DCBLD2: variants seen among roughly 807,000 people sequenced by gnomAD.
DCBLD2 encodes discoidin, CUB and LCCL domain-containing protein 2.
Under a neutral mutation model 86.8 loss-of-function variants are expected in DCBLD2, and 54 were observed. That is an observed-to-expected ratio of 0.62 (90% CI 0.50 to 0.78). The LOEUF (loss-of-function observed/expected upper bound fraction) is 0.78, where lower values mean the gene tolerates loss of function less well. DCBLD2 is among the 30% of genes least tolerant of loss of function. DCBLD2 has a pLI of 0.00. For missense variants in DCBLD2, 908 were observed against 954.2 expected, an observed-to-expected ratio of 0.95 and a Z score of 0.64; for synonymous variants, 354 against 341.3, an observed-to-expected ratio of 1.04 and a Z score of -0.41.
chr3:98,871,610 C>T (rs1054524622), intron 2 of DCBLD2, among the ~76,000 whole-genome samples: 1 of 151,310 alleles, frequency 6.6e-6, no homozygotes, highest in East Asian at 1.9e-4. Flanking sequence ...ATCATCCTTG[C>T]ATTCCTGGTA....
chr3:98,881,271 A>C (rs1335831290), intron 2 of DCBLD2, among the ~76,000 whole-genome samples: 6 of 151,788 alleles, frequency 4.0e-5, no homozygotes, highest in Admixed American at 1.3e-4. Flanking sequence ...AAAAACAAAA[A>C]AAAAAAAACA....
intron 3 of DCBLD2, among the ~76,000 whole-genome samples, chr3:98,829,018 G>A (rs1394160678): frequency 1.3e-5 from 2 of 152,174 alleles, no homozygotes; most frequent in Non-Finnish European, 2.9e-5. Flanking sequence ...GTTAAGAGGA[G>A]AGAAATGGGG....
At chr3:98,885,562 AG>A (rs1440711679) in intron 1 of DCBLD2, among the ~76,000 whole-genome samples, 1 of 152,076 alleles carries the variant, frequency 6.6e-6, no homozygotes, top group Non-Finnish European at 1.5e-5. Flanking sequence ...AGGTATGCAA[AG>A]GTCTTAACAT....
chr3:98,863,858 G>A (rs1261416930), intron 2 of DCBLD2, among the ~76,000 whole-genome samples: 2 of 152,094 alleles, frequency 1.3e-5, no homozygotes, highest in Non-Finnish European at 2.9e-5. Flanking sequence ...TTGACAAATG[G>A]GATCTAATTA....
Position 98,870,656 on chromosome 3 carries a change from A to AAGAGAGAG in DCBLD2, c.433+10876_433+10883dup, listed in dbSNP as rs71124007. 9.7e-5 allele frequency among the ~76,000 whole-genome samples: 13 copies of AAGAGAGAG among 134,238 alleles called. 1 individual carries two copies. The highest frequency in any genetic ancestry group is 3.7e-4 in the African/African-American group (13 of 34,852). 88.1% of individuals were successfully genotyped at this position (134,238 alleles called of 152,430 possible). A position where few individuals can be genotyped will look rare whatever the true frequency, so the allele number is the denominator to read the frequency against. ...AAATGGAAGGAAGAAGAGATAGAGA[A>AAGAGAGAG]AGAGAGAGAGAGAGAGAGAGAGAAA... is the stretch of plus-strand genomic sequence containing the variant. On this transcript the variant is annotated intron_variant, in intron 2 of 15. Transcript: ENST00000326840.
At chr3:98,884,944 AT>A (rs1268024432) in intron 1 of DCBLD2, among the ~76,000 whole-genome samples, 2 of 152,126 alleles carry the variant, frequency 1.3e-5, no homozygotes, top group African/African-American at 4.8e-5. Context: ...GTTAGGAGTA[AT>A]TTTTAGGTGT....
At chr3:98,835,690 C>A (rs1248418198) in intron 3 of DCBLD2, among the ~76,000 whole-genome samples, 1 of 148,214 alleles carries the variant, frequency 6.7e-6, no homozygotes, top group Non-Finnish European at 1.5e-5. Flanking sequence ...GCTGGGACTA[C>A]AGGCACGTGC....
At chr3:98,831,394 T>G (rs558026631) in intron 3 of DCBLD2, among the ~76,000 whole-genome samples, 1 of 152,144 alleles carries the variant, frequency 6.6e-6, no homozygotes, top group African/African-American at 2.4e-5. Context: ...TATCATTAAT[T>G]TTTTTCAAAA....
In DCBLD2 at chr3:98,901,461, G is replaced by C. The variant is rs567804463; in HGVS notation, c.-135C>G. ...CAGCCCTCGCCTCACCCCGCGCCGG[G>C]ACCCTTCCGCCCCTCACCCCGCTTT... On this transcript the variant is annotated 5_prime_UTR_variant, in exon 1 of 16. Coordinates refer to ENST00000326840, the MANE Select transcript of DCBLD2 (RefSeq NM_080927.4). 1.8e-4 allele frequency: 157 copies of C among 894,122 alleles called. No homozygotes were observed. The African/African-American group carries it at 2.2e-3, about 13-fold the overall frequency. 55.4% of individuals were successfully genotyped at this position (894,122 alleles called of 1,614,324 possible).
At chr3:98,888,887 A>T (rs1943607688) in intron 1 of DCBLD2, among the ~76,000 whole-genome samples, 1 of 151,952 alleles carries the variant, frequency 6.6e-6, no homozygotes, top group Non-Finnish European at 1.5e-5. Flanking sequence ...CATTATTGGA[A>T]ACTACTCCCA....
At chr3:98,876,225 AC>A (rs1422505522) in intron 2 of DCBLD2, among the ~76,000 whole-genome samples, 4 of 151,940 alleles carry the variant, frequency 2.6e-5, no homozygotes, top group Middle Eastern at 3.4e-3. Flanking sequence ...AGAAACAAAG[AC>A]CAATAAAACT....
intron 13 of DCBLD2, among the ~76,000 whole-genome samples, chr3:98,803,953 T>G (rs1407298001): frequency 6.6e-6 from 1 of 152,204 alleles, no homozygotes; most frequent in Non-Finnish European, 1.5e-5. Context: ...TTGCCAGTAT[T>G]TTACTGAGGA....
chr3:98,873,497 C>T (rs1943314987), intron 2 of DCBLD2, among the ~76,000 whole-genome samples: 1 of 151,948 alleles, frequency 6.6e-6, no homozygotes, highest in African/African-American at 2.4e-5. Context: ...AAGAAAGGTC[C>T]TTCCAATTAG....
intron 2 of DCBLD2, among the ~76,000 whole-genome samples, chr3:98,860,340 C>G (rs960321580): frequency 1.8e-4 from 28 of 152,174 alleles, no homozygotes; most frequent in Non-Finnish European, 3.5e-4. Context: ...CCTAGCAAGG[C>G]AGGCCAACAC....
intron 9 of DCBLD2, chr3:98,815,892 TGGTGA>T (rs1449033440): frequency 6.6e-6 from 1 of 151,432 alleles, no homozygotes; most frequent in African/African-American, 2.4e-5. Flanking sequence ...AACGGAGCAT[TGGTGA>T]ATGGTAAGAT....
chr3:98,801,539 C>A lies in DCBLD2; in HGVS notation c.1720+61G>T, dbSNP rs1223716992. 8 of 1,359,742 alleles carry A rather than the reference C, an allele frequency of 5.9e-6. No individual in the cohort carries two copies. The Admixed American group carries it at 1.6e-4, about 27-fold the overall frequency. 84.2% of individuals were successfully genotyped at this position (1,359,742 alleles called of 1,614,324 possible). A position where few individuals can be genotyped will look rare whatever the true frequency, so the allele number is the denominator to read the frequency against. On this transcript the variant is annotated intron_variant, in intron 14 of 15. Coordinates refer to ENST00000326840, the MANE Select transcript of DCBLD2 (RefSeq NM_080927.4). ...GAGAATGACTCTTTTTTCACTACTG[C>A]CCCCTGTAGGGGAGCGACATCCCTC...
chr3:98,858,267 A>G (rs1472445618), intron 2 of DCBLD2, among the ~76,000 whole-genome samples: 1 of 152,216 alleles, frequency 6.6e-6, no homozygotes, highest in African/African-American at 2.4e-5. Context: ...ACTGGCCCGC[A>G]AGCGCCGTGT....
intron 1 of DCBLD2, 77 bp downstream of exon 1, chr3:98,901,045 C>A: frequency 6.5e-7 from 1 of 1,532,686 alleles, no homozygotes; most frequent in East Asian, 2.5e-5. Flanking sequence ...GCAGCGTCTG[C>A]AGATTTGTTC....
At chr3:98,883,270 C>T (rs2107524192) in intron 1 of DCBLD2, among the ~76,000 whole-genome samples, 2 of 152,272 alleles carry the variant, frequency 1.3e-5, no homozygotes, top group Middle Eastern at 6.8e-3. Flanking sequence ...ATGCAGATTA[C>T]TGACTATTAC....
Sources: allele counts gnomAD v4.1 joint callset (sites outside exome capture counted in the v4.1 genomes callset), GRCh38; gene constraint gnomAD v4.1.1; transcripts MANE v1.5; gene names NCBI Gene and HGNC (gene_info 2026-07-23, HGNC 2026-07-21).